DCAF6: variants seen among roughly 807,000 people sequenced by gnomAD.
The protein encoded by DCAF6 is DDB1- and CUL4-associated factor 6.
Under a neutral mutation model 125.1 loss-of-function variants are expected in DCAF6, and 54 were observed. That is an observed-to-expected ratio of 0.43 (90% CI 0.35 to 0.54). The LOEUF (loss-of-function observed/expected upper bound fraction) is 0.54. Ranked by LOEUF, DCAF6 falls within the 20% of genes least tolerant of loss-of-function variation. The pLI is 0.01. For synonymous variants in DCAF6, 371 were observed against 390.4 expected (o/e 0.95, Z 0.58); for missense variants, 934 against 1,161.7 (o/e 0.80, Z 2.85).
the DCAF6 span, among the ~76,000 whole-genome samples, chr1:167,876,257 CAAAA>C: frequency 1.2e-5 from 1 of 85,124 alleles, no homozygotes. Context: ...AGCTCCATCT[CAAAA>C]AAAAAAAAAA....
chr1:168,029,407 C>A (rs1490975249), intron 12 of DCAF6, among the ~76,000 whole-genome samples: 1 of 152,134 alleles, frequency 6.6e-6, no homozygotes, highest in African/African-American at 2.4e-5. Context: ...TCAACTGATA[C>A]GTAAATGCCT....
chr1:167,982,020 G>A (rs1015476424), intron 4 of DCAF6, among the ~76,000 whole-genome samples: 1 of 152,116 alleles, frequency 6.6e-6, no homozygotes, highest in Non-Finnish European at 1.5e-5. Context: ...TTTCTCTGCG[G>A]CCTCACCAGC....
chr1:167,898,131 A>G, the DCAF6 span, among the ~76,000 whole-genome samples: 3 of 151,390 alleles, frequency 2.0e-5, no homozygotes, highest in African/African-American at 7.3e-5. Context: ...TAACTAGTGC[A>G]TAGTATTGTA....
the DCAF6 span, chr1:167,883,697 C>G: frequency 6.9e-7 from 1 of 1,447,654 alleles, no homozygotes; most frequent in Non-Finnish European, 9.7e-7. Flanking sequence ...ACCGCCCCCA[C>G]CTCATACCCG....
the DCAF6 span, among the ~76,000 whole-genome samples, chr1:167,926,935 C>T: frequency 6.6e-6 from 1 of 152,192 alleles, no homozygotes; most frequent in Non-Finnish European, 1.5e-5. Flanking sequence ...GGCTAAATTG[C>T]TCCTTCTCTT....
chr1:168,049,108 G>T (rs1488339933), intron 16 of DCAF6, among the ~76,000 whole-genome samples: 1 of 152,132 alleles, frequency 6.6e-6, no homozygotes, highest in Non-Finnish European at 1.5e-5. Flanking sequence ...AGAAATGTTT[G>T]TTCTCTAATC....
chr1:167,916,099 T>C, the DCAF6 span, among the ~76,000 whole-genome samples: 1 of 152,260 alleles, frequency 6.6e-6, no homozygotes. Flanking sequence ...AGTAACTGCA[T>C]TGATAGTAAG....
the DCAF6 span, among the ~76,000 whole-genome samples, chr1:167,868,581 A>G: frequency 3.3e-5 from 5 of 152,052 alleles, no homozygotes; most frequent in Non-Finnish European, 5.9e-5. Context: ...ACTAGGCTAT[A>G]CTGGATACGT....
At chr1:167,885,954 A>AT in the DCAF6 span, among the ~76,000 whole-genome samples, 3 of 151,988 alleles carry the variant, frequency 2.0e-5, no homozygotes, top group East Asian at 1.9e-4. Flanking sequence ...AGATTATTAG[A>AT]TTTTTTTCTA....
At chr1:167,931,134 G>A (rs889433588), upstream of DCAF6, among the ~76,000 whole-genome samples, 1 of 152,180 alleles carries the variant, frequency 6.6e-6, no homozygotes, top group African/African-American at 2.4e-5. Context: ...GTATCACCAT[G>A]TTGGCCAGGC....
chr1:167,936,064 G>A (rs1248751508), upstream of DCAF6: 8 of 582,980 alleles, frequency 1.4e-5, 1 homozygote, highest in African/African-American at 5.6e-5. Flanking sequence ...GCCAGCCCCC[G>A]GTCCGCCTCC....
the DCAF6 span, among the ~76,000 whole-genome samples, chr1:167,925,494 C>G: frequency 8.0e-6 from 1 of 125,222 alleles, no homozygotes; most frequent in African/African-American, 2.9e-5. Flanking sequence ...TATACACACA[C>G]ATATATATAT....
chr1:167,903,773 A>G, the DCAF6 span: 2 of 765,780 alleles, frequency 2.6e-6, no homozygotes, highest in South Asian at 2.9e-5. Context: ...TACACATTTC[A>G]TGGGGAAGAG....
the DCAF6 span, chr1:167,896,697 T>A: frequency 1.3e-6 from 2 of 1,567,886 alleles, no homozygotes; most frequent in Non-Finnish European, 1.8e-6. Context: ...TTAACCTAAA[T>A]AAAAGCAAAT....
rs71100917 is a variant in DCAF6, at chr1:167,963,437, GTT to G, written c.160-3179_160-3178del. On this transcript the variant is annotated intron_variant, in intron 2 of 21. Coordinates refer to ENST00000367840, the MANE Select transcript of DCAF6 (RefSeq NM_001198956.2). ...TGCCTTTTGTGTTTTTTTTGTTTCT[GTT>G]TTTTTTTTTTTTCCCTTTTGAGATG... Among the ~76,000 whole-genome samples the G allele has an allele frequency of 5.8e-3, 774 of 132,860 alleles. 4 individuals carry two copies. Among genetic ancestry groups the G allele is most frequent in the African/African-American group, 0.019 (679 of 35,656 alleles). The allele number at this position is 132,860 out of a possible 152,430, so 87.2% of individuals were successfully genotyped here.
At chr1:167,912,417 A>C in the DCAF6 span, among the ~76,000 whole-genome samples, 3 of 152,120 alleles carry the variant, frequency 2.0e-5, no homozygotes, top group South Asian at 6.2e-4. Context: ...CCACCTCCAC[A>C]TACTCCCACG....
intron 1 of DCAF6, among the ~76,000 whole-genome samples, chr1:167,950,253 G>A (rs202274): frequency 3.3e-5 from 5 of 151,890 alleles, no homozygotes; most frequent in East Asian, 1.9e-4. Context: ...TTCTTAACTC[G>A]TATAACTCAA....
the DCAF6 span, chr1:167,880,169 T>A: frequency 6.2e-7 from 1 of 1,613,474 alleles, no homozygotes; most frequent in East Asian, 2.2e-5. Context: ...ACAATCCCAC[T>A]GGCAACACCG....
In DCAF6 at chr1:167,979,571, T is replaced by C. The variant is rs545431378; in HGVS notation, c.438+4556T>C. The stretch of plus-strand genomic sequence containing the variant: ...TAAGGCAGGAGAAGATTCCGTTGTA[T>C]GTATATACCACATTTTCTTTATTCA... On this transcript the variant is annotated intron_variant, in intron 4 of 21. Coordinates refer to ENST00000367840, the MANE Select transcript of DCAF6 (RefSeq NM_001198956.2). 8.5e-5 allele frequency among the ~76,000 whole-genome samples: 13 copies of C among 152,312 alleles called. No individual in the cohort carries two copies. In the South Asian group the frequency reaches 2.3e-3, roughly 27 times the overall value.
Sources: gnomAD v4.1 joint callset for allele counts (sites outside exome capture counted in the v4.1 genomes callset) on GRCh38, gnomAD v4.1.1 for gene constraint, MANE v1.5 for transcripts, NCBI Gene and HGNC (gene_info 2026-07-23, HGNC 2026-07-21) for gene names.